MYRIP: variants seen among roughly 807,000 people sequenced by gnomAD.
MYRIP encodes the protein rab effector MyRIP.
A neutral mutation model predicts 98.0 loss-of-function variants in MYRIP; 49 were observed. The ratio of observed to expected loss-of-function variants is 0.50; its 90% CI spans 0.40 to 0.63. MYRIP has a LOEUF of 0.63. MYRIP is among the 30% of genes least tolerant of loss of function. The pLI, the probability that MYRIP is intolerant of heterozygous loss-of-function variation, is 0.00. For missense variants in MYRIP, 1,004 were observed against 1,058.2 expected, an observed-to-expected ratio of 0.95 and a Z score of 0.71; for synonymous variants, 404 against 409.5, an observed-to-expected ratio of 0.99 and a Z score of 0.16.
chr3:40,234,232 A>ATGAGGATT lies in MYRIP; in HGVS notation c.2100+182_2100+189dup, dbSNP rs139463696. 2.0e-3 allele frequency among the ~76,000 whole-genome samples: 310 copies of ATGAGGATT among 152,324 alleles called. 2 individuals carry two copies. Among genetic ancestry groups the ATGAGGATT allele is most frequent in the African/African-American group, 7.3e-3 (302 of 41,580 alleles). On this transcript the variant is annotated intron_variant, in intron 12 of 16. Transcript: ENST00000302541. ...TGGATTCCCCAGAAGCAGACCCTAG[A>ATGAGGATT]TGAGGATTTGTGTGCATGTGACTTA...
rs80023764 is a variant in MYRIP at position 39,851,083 on chromosome 3, G to A, written c.-31+41167G>A. On this transcript the variant is annotated intron_variant, in intron 1 of 16. Coordinates refer to ENST00000302541, the MANE Select transcript of MYRIP (RefSeq NM_015460.4). Reference sequence around the variant, plus strand: ...TATCAAGATGACAGGGGGATATTCTGGGCTCTGATACAAACACTGGCCTTT... The same window carrying A: ...TATCAAGATGACAGGGGGATATTCTAGGCTCTGATACAAACACTGGCCTTT... Among the ~76,000 whole-genome samples, 525 of 152,274 alleles carry A rather than the reference G, an allele frequency of 3.4e-3. 4 individuals carry two copies. The highest frequency in any genetic ancestry group is 0.012 in the African/African-American group (500 of 41,538).
At chr3:39,993,085 T>C (rs1575445248) in intron 2 of MYRIP, among the ~76,000 whole-genome samples, 1 of 152,164 alleles carries the variant, frequency 6.6e-6, no homozygotes, top group Non-Finnish European at 1.5e-5. Context: ...TTCTGGAGTA[T>C]GGCCAGTCCA....
intron 9 of MYRIP, among the ~76,000 whole-genome samples, chr3:40,187,171 T>C (rs1236564977): frequency 1.3e-5 from 2 of 152,306 alleles, no homozygotes; most frequent in African/African-American, 2.4e-5. Context: ...AAGCTAAAAA[T>C]AGCTCAGGGC....
At chr3:39,840,269 T>G (rs1941762531) in intron 1 of MYRIP, among the ~76,000 whole-genome samples, 1 of 152,218 alleles carries the variant, frequency 6.6e-6, no homozygotes, top group South Asian at 2.1e-4. Context: ...TAAAGTCTGT[T>G]TTATCAGAGA....
intron 5 of MYRIP, among the ~76,000 whole-genome samples, chr3:40,166,035 A>G (rs1402678088): frequency 6.6e-6 from 1 of 152,162 alleles, no homozygotes; most frequent in Non-Finnish European, 1.5e-5. Flanking sequence ...CCTACTTACC[A>G]CTGGATTTTT....
At chr3:39,854,037 C>G (rs1029935708) in intron 1 of MYRIP, among the ~76,000 whole-genome samples, 4 of 152,024 alleles carry the variant, frequency 2.6e-5, no homozygotes, top group African/African-American at 9.7e-5. Flanking sequence ...TTTTTGTTTG[C>G]TTTGTTGAAG....
chr3:40,080,317 T>C (rs1443045459), intron 3 of MYRIP, among the ~76,000 whole-genome samples: 1 of 152,174 alleles, frequency 6.6e-6, no homozygotes, highest in Non-Finnish European at 1.5e-5. Flanking sequence ...TCTGCTTATA[T>C]TTATTAATAT....
intron 3 of MYRIP, among the ~76,000 whole-genome samples, chr3:40,143,119 T>C (rs1209859468): frequency 1.3e-5 from 2 of 152,206 alleles, no homozygotes; most frequent in Admixed American, 6.5e-5. Flanking sequence ...GGCTGCACTG[T>C]TGGATAGGGC....
At chr3:39,953,661 G>C (rs145479122) in intron 2 of MYRIP, among the ~76,000 whole-genome samples, 4,713 of 152,256 alleles carry the variant, frequency 0.031, 244 homozygotes, top group African/African-American at 0.11. Flanking sequence ...GAGGTACTGG[G>C]TTGATCTCAC....
chr3:39,925,385 G>A (rs2125694649), intron 2 of MYRIP, among the ~76,000 whole-genome samples: 1 of 152,016 alleles, frequency 6.6e-6, no homozygotes, highest in African/African-American at 2.4e-5. Context: ...TTTGTTATGG[G>A]GGTATATTGT....
intron 10 of MYRIP, among the ~76,000 whole-genome samples, chr3:40,205,977 T>C (rs1180159327): frequency 6.6e-6 from 1 of 152,158 alleles, no homozygotes; most frequent in Non-Finnish European, 1.5e-5. Context: ...AGGAAGTAGA[T>C]TTATTCTTAT....
In MYRIP at chr3:40,021,204, T is replaced by A. The variant is rs192794281; in HGVS notation, c.111-22846T>A. On this transcript the variant is annotated intron_variant, in intron 2 of 16. Coordinates refer to ENST00000302541, the MANE Select transcript of MYRIP (RefSeq NM_015460.4). ...AACATTCTGTAGGATTTTTTGATAGTTTTTGTACACAAATTTAGGAAAGGT... is the reference window on the plus strand; with the variant it reads ...AACATTCTGTAGGATTTTTTGATAGATTTTGTACACAAATTTAGGAAAGGT... 6.9e-4 allele frequency among the ~76,000 whole-genome samples: 105 copies of A among 152,340 alleles called. 1 individual carries two copies. The Middle Eastern group carries it at 0.01, about 15-fold the overall frequency.
At chr3:40,043,668 G>A (rs76609250) in intron 2 of MYRIP, among the ~76,000 whole-genome samples, 420 of 152,262 alleles carry the variant, frequency 2.8e-3, no homozygotes, top group South Asian at 5.4e-3. Context: ...GCTGTGTGAG[G>A]ATTAATGTTT....
chr3:40,131,472 G>T (rs997467574), intron 3 of MYRIP, among the ~76,000 whole-genome samples: 1 of 152,246 alleles, frequency 6.6e-6, no homozygotes, highest in African/African-American at 2.4e-5. Context: ...TTCAAAGAGA[G>T]TACATGACTT....
At chr3:40,163,853 C>G (rs1206753538) in intron 5 of MYRIP, among the ~76,000 whole-genome samples, 2 of 152,130 alleles carry the variant, frequency 1.3e-5, no homozygotes, top group African/African-American at 4.8e-5. Context: ...TTCTGTTTCT[C>G]TGAAGAACCC....
chr3:39,957,635 C>G (rs1446340087), intron 2 of MYRIP, among the ~76,000 whole-genome samples: 4 of 152,168 alleles, frequency 2.6e-5, no homozygotes, highest in African/African-American at 9.7e-5. Context: ...GGGATGCCCT[C>G]TCTCACCACT....
intron 9 of MYRIP, among the ~76,000 whole-genome samples, chr3:40,188,200 G>C (rs756577939): frequency 3.3e-5 from 5 of 152,224 alleles, no homozygotes; most frequent in Non-Finnish European, 7.3e-5. Context: ...TCTGAAACAG[G>C]CTTAGCAGGT....
intron 3 of MYRIP, among the ~76,000 whole-genome samples, chr3:40,149,012 T>C (rs1366012300): frequency 6.6e-6 from 1 of 152,186 alleles, no homozygotes; most frequent in East Asian, 1.9e-4. Flanking sequence ...TGATATCTGA[T>C]GGGCAGGCAT....
chr3:40,161,347 TGGTGA>T (rs1950391085), intron 4 of MYRIP, among the ~76,000 whole-genome samples: 1 of 152,234 alleles, frequency 6.6e-6, no homozygotes, highest in South Asian at 2.1e-4. Flanking sequence ...GCTTGTCCTC[TGGTGA>T]GGTCAGTCTT....
Sources: gnomAD v4.1 joint callset for allele counts (sites outside exome capture counted in the v4.1 genomes callset) on GRCh38, gnomAD v4.1.1 for gene constraint, MANE v1.5 for transcripts, NCBI Gene and HGNC (gene_info 2026-07-23, HGNC 2026-07-21) for gene names.